FAM124B: variants seen among roughly 807,000 people sequenced by gnomAD.
FAM124B encodes the protein family with sequence similarity 124 member B, also known as protein FAM124B.
A neutral mutation model predicts 19.7 loss-of-function variants in FAM124B; 18 were observed. The ratio of observed to expected loss-of-function variants is 0.92; its 90% confidence interval spans 0.63 to 1.36. The LOEUF (loss-of-function observed/expected upper bound fraction) is 1.36. FAM124B is among the 40% of genes most tolerant of loss of function. FAM124B has a pLI of 0.00. For synonymous variants in FAM124B, 223 were observed against 225.2 expected, an observed-to-expected ratio of 0.99 and a Z score of 0.09; for missense variants, 540 against 553.3, an observed-to-expected ratio of 0.98 and a Z score of 0.24.
In FAM124B at chr2:224,401,862, C is replaced by A; in HGVS notation, c.-94G>T. On this transcript the variant is annotated 5_prime_UTR_variant, in exon 1 of 2. Coordinates refer to ENST00000409685, the MANE Select transcript of FAM124B (RefSeq NM_001122779.2). ...ATGAAGAAGCGGCCCAGCCTTCAGC[C>A]CGCCTGAAAACCTTCAGCTGCAGCG... 6.9e-7 allele frequency: 1 copy of A among 1,452,186 alleles called. No individual in the cohort carries two copies. The highest frequency in any genetic ancestry group is 9.3e-7 in the Non-Finnish European group (1 of 1,079,518). The allele number at this position is 1,452,186 out of a possible 1,614,324, so 90.0% of individuals were successfully genotyped here.
intron 1 of FAM124B, chr2:224,399,634 A>G (rs1459276482): frequency 6.6e-6 from 1 of 152,212 alleles, no homozygotes; most frequent in East Asian, 1.9e-4. Context: ...GCGGCTGACC[A>G]CATGAACTTT....
intron 1 of FAM124B, among the ~76,000 whole-genome samples, chr2:224,384,327 C>A (rs1160362918): frequency 6.6e-6 from 1 of 152,222 alleles, no homozygotes; most frequent in Non-Finnish European, 1.5e-5. Flanking sequence ...GTCAGCCCCT[C>A]CCATCCACAC....
At chr2:224,397,915 G>A (rs1224664338) in intron 1 of FAM124B, among the ~76,000 whole-genome samples, 1 of 152,178 alleles carries the variant, frequency 6.6e-6, no homozygotes, top group East Asian at 1.9e-4. Context: ...CCCAATATCT[G>A]ATGGTTTTAA....
At chr2:224,386,566 G>A (rs918869631) in intron 1 of FAM124B, among the ~76,000 whole-genome samples, 4 of 152,076 alleles carry the variant, frequency 2.6e-5, no homozygotes, top group East Asian at 1.9e-4. Context: ...TATTATCATC[G>A]TCATTAGTAT....
chr2:224,401,661 G>C lies in FAM124B; in HGVS notation c.108C>G (p.Cys36Trp). 6.2e-7 allele frequency: 1 copy of C among 1,614,176 alleles called. No homozygotes were observed. Among genetic ancestry groups the C allele is most frequent in the Non-Finnish European group, 8.5e-7 (1 of 1,180,036 alleles). Residue 36 changes from cysteine (C) to tryptophan (W), a missense_variant, in exon 1 of 2, where the codon TGC (cysteine) becomes TGG (tryptophan). By Grantham distance (215) the Cys-to-Trp change is radical. Coordinates refer to ENST00000409685, the MANE Select transcript of FAM124B (RefSeq NM_001122779.2). The stretch of plus-strand genomic sequence containing the variant: ...ACACCTGAAAGAGCCGGACCTCTGG[G>C]CAAATGCAATCCAGGAGCTGGTCCA... ...RTLDQLLDCICPEVRLFQVSE... is the reference protein window; with the variant it reads ...RTLDQLLDCIWPEVRLFQVSE...
At chr2:224,384,101 C>T (rs1689764804) in intron 1 of FAM124B, among the ~76,000 whole-genome samples, 1 of 152,184 alleles carries the variant, frequency 6.6e-6, no homozygotes, top group African/African-American at 2.4e-5. Context: ...CTCAGGGCAG[C>T]CAGGAAGCGC....
At chr2:224,387,676 G>A (rs1019428620) in intron 1 of FAM124B, among the ~76,000 whole-genome samples, 1 of 151,992 alleles carries the variant, frequency 6.6e-6, no homozygotes, top group East Asian at 1.9e-4. Context: ...AGTATTGAGC[G>A]AGGGTGTAGA....
chr2:224,379,911 T>G lies in FAM124B; in HGVS notation c.1030A>C (p.Arg344=). 4.5e-6 allele frequency: 7 copies of G among 1,551,908 alleles called. No individual in the cohort carries two copies. Among genetic ancestry groups the G allele is most frequent in the Non-Finnish European group, 6.1e-6 (7 of 1,147,038 alleles). ...TTTTCCCGGTTGAGGACCTTCATTCTGGCCCCGGATTCAAGGTGATGAGAA... is the reference window on the plus strand; with the variant it reads ...TTTTCCCGGTTGAGGACCTTCATTCGGGCCCCGGATTCAAGGTGATGAGAA... ...LSSHHLESGA[R]MKVLNRENSF... The change falls in exon 2 of 2, where the codon AGA becomes CGA. Residue 344 remains arginine (R), a synonymous_variant. Coordinates refer to ENST00000409685, the MANE Select transcript of FAM124B (RefSeq NM_001122779.2).
intron 1 of FAM124B, among the ~76,000 whole-genome samples, chr2:224,382,057 A>G (rs1054231313): frequency 2.0e-5 from 3 of 152,306 alleles, no homozygotes; most frequent in African/African-American, 7.2e-5. Context: ...GGTGAGGTGC[A>G]TATTACCAAG....
chr2:224,391,886 A>G (rs865812362), intron 1 of FAM124B, among the ~76,000 whole-genome samples: 69 of 152,190 alleles, frequency 4.5e-4, no homozygotes, highest in Non-Finnish European at 1.9e-4. Context: ...ATATCATATT[A>G]TTAGATTATC....
intron 1 of FAM124B, among the ~76,000 whole-genome samples, chr2:224,396,055 G>C (rs536880677): frequency 8.5e-5 from 13 of 152,326 alleles, no homozygotes; most frequent in Non-Finnish European, 1.6e-4. Flanking sequence ...TTTGTAGAAG[G>C]ATGTTTTTGC....
At chr2:224,381,330 C>T (rs868264458) in intron 1 of FAM124B, among the ~76,000 whole-genome samples, 63 of 152,064 alleles carry the variant, frequency 4.1e-4, no homozygotes, top group Admixed American at 2.6e-4. Flanking sequence ...GTGGTCCATA[C>T]ATATAGTCCC....
Position 224,380,059 on chromosome 2 carries a change from AGAATGCCCCTGG to A in FAM124B, c.870_881del (p.Gln291_Ser294del). 6.4e-7 allele frequency: 1 copy of A among 1,551,676 alleles called. No individual in the cohort carries two copies. Among genetic ancestry groups the A allele is most frequent in the Non-Finnish European group, 8.7e-7 (1 of 1,146,998 alleles). The stretch of plus-strand genomic sequence containing the variant: ...TCCCACTGGGCTCAGGAAGCTCCAG[AGAATGCCCCTGG>A]GACCTCTTGCCCTGGTTCCTCTGGC... On this transcript the variant is annotated inframe_deletion, in exon 2 of 2. Coordinates refer to ENST00000409685, the MANE Select transcript of FAM124B (RefSeq NM_001122779.2).
In FAM124B at chr2:224,387,485, G is replaced by A. The variant is rs373980031; in HGVS notation, c.733-7277C>T. Among the ~76,000 whole-genome samples, 81 of 152,248 alleles carry A rather than the reference G, an allele frequency of 5.3e-4. 1 individual carries two copies. In the South Asian group the frequency reaches 0.012, roughly 23 times the overall value. On this transcript the variant is annotated intron_variant, in intron 1 of 1. Transcript: ENST00000409685. The stretch of plus-strand genomic sequence containing the variant: ...AAATGACTGCATGGAAACAATTTAG[G>A]TAAATAATAAGAAACCTCTAAACAG...
intron 1 of FAM124B, among the ~76,000 whole-genome samples, chr2:224,391,177 C>A (rs1689880895): frequency 6.6e-6 from 1 of 150,478 alleles, no homozygotes; most frequent in Non-Finnish European, 1.5e-5. Context: ...TCCATCTCTA[C>A]TAAAAATACG....
At position 224,379,361 on chromosome 2, in the gene FAM124B, G is replaced by T; in HGVS notation, c.*212C>A. 3.0e-6 allele frequency: 2 copies of T among 665,262 alleles called. No individual in the cohort carries two copies. Among genetic ancestry groups the T allele is most frequent in the South Asian group, 2.4e-5 (1 of 41,918 alleles). The allele number at this position is 665,262 out of a possible 1,614,324, so 41.2% of individuals were successfully genotyped here. The stretch of plus-strand genomic sequence containing the variant: ...CATTCGGTTTTTTTCCCTGTGTGTT[G>T]GCTGTGTTCTCTTATGACTGTGACG... On this transcript the variant is annotated 3_prime_UTR_variant, in exon 2 of 2. Transcript: ENST00000409685.
At chr2:224,392,278 T>C (rs1369087340) in intron 1 of FAM124B, among the ~76,000 whole-genome samples, 1 of 151,978 alleles carries the variant, frequency 6.6e-6, no homozygotes, top group South Asian at 2.1e-4. Flanking sequence ...CTCCCATCTC[T>C]ACAAAACATT....
At chr2:224,389,669 G>C (rs952426130) in intron 1 of FAM124B, among the ~76,000 whole-genome samples, 4 of 152,116 alleles carry the variant, frequency 2.6e-5, no homozygotes, top group African/African-American at 9.7e-5. Flanking sequence ...GTTTTGCCTG[G>C]ATTGAGTCTG....
chr2:224,383,525 T>TA (rs1689757333), intron 1 of FAM124B, among the ~76,000 whole-genome samples: 1 of 152,054 alleles, frequency 6.6e-6, no homozygotes, highest in African/African-American at 2.4e-5. Flanking sequence ...TTTGTTTTTT[T>TA]AAAAAAGTCT....
Sources: allele counts gnomAD v4.1 joint callset (sites outside exome capture counted in the v4.1 genomes callset), GRCh38; gene constraint gnomAD v4.1.1; transcripts MANE v1.5; gene names NCBI Gene and HGNC (gene_info 2026-07-23, HGNC 2026-07-21).